Variants in ZNF839 observed in about 807,000 individuals in gnomAD.
ZNF839 encodes the protein renal carcinoma antigen NY-REN-50.
In ZNF839, 38 loss-of-function variants were observed where a neutral mutation model predicts 56.4. The ratio of observed to expected loss-of-function variants is 0.67; its 90% CI spans 0.52 to 0.88. The LOEUF (loss-of-function observed/expected upper bound fraction) is 0.88, where lower values mean the gene tolerates loss of function less well. Ranked by LOEUF, ZNF839 falls within the 40% of genes least tolerant of loss-of-function variation. ZNF839 has a pLI of 0.00. For missense variants in ZNF839, 1,091 were observed against 1,177.6 expected, an observed-to-expected ratio of 0.93 and a Z score of 1.08; for synonymous variants, 486 against 493.5, an observed-to-expected ratio of 0.98 and a Z score of 0.20.
intron 2 of ZNF839, 112 bp from the exon 3 acceptor site, chr14:102,331,510 A>G: frequency 1.1e-6 from 1 of 932,128 alleles, no homozygotes; most frequent in Non-Finnish European, 1.6e-6. Context: ...TTGGGCTCCC[A>G]AAGTGCTGGG....
chr14:102,327,099 A>T (rs1051157700), intron 2 of ZNF839, among the ~76,000 whole-genome samples: 3 of 151,916 alleles, frequency 2.0e-5, no homozygotes, highest in African/African-American at 7.3e-5. Context: ...CAGGCGCCTC[A>T]TATGGCCACA....
intron 4 of ZNF839, 85 bp from the exon 5 acceptor site, chr14:102,335,604 C>T (rs1158361437): frequency 3.5e-6 from 5 of 1,420,574 alleles, no homozygotes; most frequent in East Asian, 4.9e-5. Flanking sequence ...GTTAAGGAAC[C>T]GAAACTTTGT....
At chr14:102,328,611 C>A (rs1279418208) in intron 2 of ZNF839, among the ~76,000 whole-genome samples, 9 of 151,480 alleles carry the variant, frequency 5.9e-5, no homozygotes, top group Non-Finnish European at 1.3e-4. Flanking sequence ...GAAAAAGAAA[C>A]AAAAAAACTA....
Position 102,326,663 on chromosome 14 carries a change from A to G in ZNF839, c.967A>G (p.Ile323Val), listed in dbSNP as rs776293461. ...FKCQTCEKSYIGKGGLARHFK... is the reference protein window; with the variant it reads ...FKCQTCEKSYVGKGGLARHFK... Reference sequence around the variant, plus strand: ...GTGTCAGACTTGTGAAAAGTCATATATAGGGAAGGGGGGACTGGCCCGACA... The same window carrying G: ...GTGTCAGACTTGTGAAAAGTCATATGTAGGGAAGGGGGGACTGGCCCGACA... The change falls in exon 2 of 8, where the codon ATA becomes GTA. Residue 323 changes from isoleucine (I) to valine (V), a missense_variant. Transcript: ENST00000442396. This position sits in a 1 kb window ranked among gnomAD's most constrained non-coding sequence, Gnocchi z 4.3. The G allele has an allele frequency of 1.9e-6, 3 of 1,612,940 alleles. No homozygotes were observed. Among genetic ancestry groups the G allele is most frequent in the Non-Finnish European group, 2.5e-6 (3 of 1,179,478 alleles).
intron 3 of ZNF839, among the ~76,000 whole-genome samples, chr14:102,333,328 G>GGCTCACT (rs2139547460): frequency 6.9e-6 from 1 of 145,736 alleles, no homozygotes; most frequent in Non-Finnish European, 1.5e-5. Flanking sequence ...GCTCAATCAT[G>GGCTCACT]GCTCACTGCA....
Position 102,341,308 on chromosome 14 carries a change from T to A in ZNF839, c.1928-15T>A. The A allele has an allele frequency of 1.3e-6, 2 of 1,514,700 alleles. No individual in the cohort carries two copies. Among genetic ancestry groups the A allele is most frequent in the Non-Finnish European group, 1.8e-6 (2 of 1,131,964 alleles). The allele number at this position is 1,514,700 out of a possible 1,614,324, so 93.8% of individuals were successfully genotyped here. Reference sequence around the variant, plus strand: ...ACAGTACACGCCATGTTCACCTGTTTCCCAAAATGTTTAGGTTTTTCCCCT... The same window carrying A: ...ACAGTACACGCCATGTTCACCTGTTACCCAAAATGTTTAGGTTTTTCCCCT... On this transcript the variant is annotated splice_polypyrimidine_tract_variant and intron_variant, in intron 7 of 7. Coordinates refer to ENST00000442396, the MANE Select transcript of ZNF839 (RefSeq NM_018335.6).
chr14:102,334,379 C>T (rs2073924717), intron 3 of ZNF839, among the ~76,000 whole-genome samples, 175 bp from the exon 4 acceptor site: 1 of 152,218 alleles, frequency 6.6e-6, no homozygotes, highest in Non-Finnish European at 1.5e-5. Context: ...GATCATAGTA[C>T]TTCATTAAGG....
chr14:102,339,869 G>A (rs1370639075), intron 7 of ZNF839, among the ~76,000 whole-genome samples: 1 of 152,152 alleles, frequency 6.6e-6, no homozygotes, highest in Non-Finnish European at 1.5e-5. Flanking sequence ...ATGAGACTTC[G>A]CTGTACATGC....
At chr14:102,323,863 C>T (rs1005468559) in intron 1 of ZNF839, among the ~76,000 whole-genome samples, 8 of 152,086 alleles carry the variant, frequency 5.3e-5, no homozygotes, top group Admixed American at 3.3e-4. Context: ...ACTCATACTG[C>T]AGAGAAAATG....
chr14:102,319,977 A>G lies in ZNF839; in HGVS notation c.212A>G (p.Asp71Gly), dbSNP rs2073033399. 2 of 1,166,364 alleles carry G rather than the reference A, an allele frequency of 1.7e-6. No individual in the cohort carries two copies. Among genetic ancestry groups the G allele is most frequent in the Admixed American group, 4.8e-5 (1 of 21,044 alleles). 72.3% of individuals were successfully genotyped at this position (1,166,364 alleles called of 1,614,324 possible). ...CGGGACGCGGCGCGGCGGCTGCGGG[A>G]CGCGGCCCAACAGGCCGCCCTGCAG... ...VLRDAARRLR[D>G]AAQQAALQRG... Residue 71 changes from aspartate to glycine, a missense_variant, in exon 1 of 8, where the codon GAC (aspartate) becomes GGC (glycine). Physicochemically the swap from Asp to Gly is moderately conservative, Grantham distance 94 (BLOSUM62 -1). Around this residue, in one of 3 missense-constraint regions of ZNF839, gnomAD observed 614 missense variants for 629.2 expected, o/e 0.98. Coordinates refer to ENST00000442396, the MANE Select transcript of ZNF839 (RefSeq NM_018335.6). This position sits in a 1 kb window ranked among gnomAD's most constrained non-coding sequence, Gnocchi z 4.5.
Position 102,326,876 on chromosome 14 carries a change from G to A in ZNF839, c.1180G>A (p.Gly394Ser), listed in dbSNP as rs750748796. The change falls in exon 2 of 8, where the codon GGT becomes AGT. Residue 394 changes from glycine (G) to serine (S), a missense_variant. This residue lies in a region of ZNF839 where 614 missense variants were observed against 629.2 expected (regional missense o/e 0.98). Coordinates refer to ENST00000442396, the MANE Select transcript of ZNF839 (RefSeq NM_018335.6). The surrounding 1 kb of genome is among the most constrained non-coding windows in gnomAD (Gnocchi z 4.3). ...RSCLVTESAR[G>S]GLQNGQSVDV... ...CTGCTTGGTGACAGAGTCAGCACGC[G>A]GTGGCCTGCAGGTAATGTTTCTGTC... 14 of 1,598,050 alleles carry A rather than the reference G, an allele frequency of 8.8e-6. 1 individual carries two copies. Among genetic ancestry groups the A allele is most frequent in the Admixed American group, 1.7e-5 (1 of 58,286 alleles).
chr14:102,326,375 C>G lies in ZNF839; in HGVS notation c.679C>G (p.Pro227Ala), dbSNP rs1344909481. The G allele has an allele frequency of 1.9e-6, 3 of 1,611,318 alleles. No homozygotes were observed. In the African/African-American group the frequency reaches 4.0e-5, roughly 21 times the overall value. Residue 227 changes from proline (P) to alanine (A), a missense_variant, in exon 2 of 8, where the codon CCA becomes GCA. By Grantham distance (27) the Pro-to-Ala change is conservative. Coordinates refer to ENST00000442396, the MANE Select transcript of ZNF839 (RefSeq NM_018335.6). This position sits in a 1 kb window ranked among gnomAD's most constrained non-coding sequence, Gnocchi z 4.3. ...VTSLSSSSAH[P>A]FISNLHTRHT... is the part of the protein sequence containing the mutation. ...ATCTCTTTCATCCAGTTCAGCACAT[C>G]CATTTATTTCCAACTTGCATACAAG...
chr14:102,318,046 G>C (rs573170649), upstream of ZNF839, among the ~76,000 whole-genome samples: 2 of 152,234 alleles, frequency 1.3e-5, no homozygotes, highest in African/African-American at 2.4e-5. Context: ...AACATCTACA[G>C]ACCTTGGTAT....
rs764606907 is a variant in ZNF839 at position 102,342,184 on chromosome 14, A to G, written c.*5A>G. On this transcript the variant is annotated 3_prime_UTR_variant, in exon 8 of 8. Coordinates refer to ENST00000442396, the MANE Select transcript of ZNF839 (RefSeq NM_018335.6). The stretch of plus-strand genomic sequence containing the variant: ...GCCTGCGGATGGGCCCGCTAGAAGG[A>G]GTTCCTCTAGAAGCTGTGGAGTCGG... 1.9e-6 allele frequency: 3 copies of G among 1,599,612 alleles called. No homozygotes were observed. Among genetic ancestry groups the G allele is most frequent in the Non-Finnish European group, 2.6e-6 (3 of 1,171,132 alleles).
chr14:102,337,741 A>G (rs1402668095), intron 5 of ZNF839: 2 of 152,186 alleles, frequency 1.3e-5, no homozygotes, highest in African/African-American at 4.8e-5. Context: ...GTCCGCGCAG[A>G]ACCCACATGG....
chr14:102,337,246 T>C (rs1885862303), intron 5 of ZNF839: 1 of 152,010 alleles, frequency 6.6e-6, no homozygotes, highest in Non-Finnish European at 1.5e-5. Flanking sequence ...CTTGGCTCAC[T>C]GCAACCTCCC....
Position 102,326,586 on chromosome 14 carries a change from G to A in ZNF839, c.890G>A (p.Arg297Lys), listed in dbSNP as rs372349522. The stretch of plus-strand genomic sequence containing the variant: ...GAAGAAGATGAAGATCAGAGGGAGA[G>A]GCACGCACTCTTTGACTTATCGAGC... ...CVEEDEDQRE[R>K]HALFDLSSCS... The change falls in exon 2 of 8, where the codon AGG becomes AAG. Residue 297 changes from arginine (R) to lysine (K), a missense_variant. Arg to Lys is a conservative substitution (Grantham distance 26). Transcript: ENST00000442396. The surrounding 1 kb of genome is among the most constrained non-coding windows in gnomAD (Gnocchi z 4.3). 9 of 1,613,954 alleles carry A rather than the reference G, an allele frequency of 5.6e-6. No homozygotes were observed. Among genetic ancestry groups the A allele is most frequent in the Non-Finnish European group, 7.6e-6 (9 of 1,179,874 alleles).
At chr14:102,317,891 G>A (rs2072943372), upstream of ZNF839, among the ~76,000 whole-genome samples, 1 of 152,192 alleles carries the variant, frequency 6.6e-6, no homozygotes, top group African/African-American at 2.4e-5. Context: ...TCGTTTCTAG[G>A]GTGGTCAGGT....
chr14:102,326,406 C>G lies in ZNF839; in HGVS notation c.710C>G (p.Thr237Ser). 6.2e-7 allele frequency: 1 copy of G among 1,613,404 alleles called. No individual in the cohort carries two copies. Among genetic ancestry groups the G allele is most frequent in the Non-Finnish European group, 8.5e-7 (1 of 1,179,610 alleles). ...ATTTCCAACTTGCATACAAGACATA[C>G]TGAGAAACTAAAAAAATCGTTAAAA... ...PFISNLHTRHTEKLKKSLKVK... is the reference protein window; with the variant it reads ...PFISNLHTRHSEKLKKSLKVK... Residue 237 changes from threonine (T) to serine (S), a missense_variant, in exon 2 of 8, where the codon ACT (threonine) becomes AGT (serine). By Grantham distance (58) the Thr-to-Ser change is moderately conservative. This residue lies in a region of ZNF839 where 614 missense variants were observed against 629.2 expected (regional missense o/e 0.98). Transcript: ENST00000442396. The surrounding 1 kb of genome is among the most constrained non-coding windows in gnomAD (Gnocchi z 4.3).
Sources: allele counts gnomAD v4.1 joint callset (sites outside exome capture counted in the v4.1 genomes callset), GRCh38; gene constraint gnomAD v4.1.1; regional missense constraint gnomAD v4.1.1; non-coding constraint Gnocchi (gnomAD v3.1); transcripts MANE v1.5; gene names NCBI Gene and HGNC (gene_info 2026-07-23, HGNC 2026-07-21).